Variants in CLEC16A observed in about 807,000 individuals in gnomAD.
CLEC16A encodes protein CLEC16A.
A neutral mutation model predicts 109.5 loss-of-function variants in CLEC16A; 51 were observed. The observed-to-expected ratio is 0.47, with a 90% confidence interval of 0.37 to 0.59. CLEC16A has a LOEUF of 0.59. CLEC16A is among the 20% of genes least tolerant of loss of function. The pLI is 0.00. For synonymous variants in CLEC16A, 673 were observed against 564.2 expected, an observed-to-expected ratio of 1.19 and a Z score of -2.73; for missense variants, 1,339 against 1,394.0, an observed-to-expected ratio of 0.96 and a Z score of 0.63.
rs1597636966 is a variant in CLEC16A at position 11,174,032 on chromosome 16, C to G, written c.2807-4303C>G. The G allele has an allele frequency of 2.7e-6, 1 of 377,284 alleles. No homozygotes were observed. Among genetic ancestry groups the G allele is most frequent in the Non-Finnish European group, 5.5e-6 (1 of 182,706 alleles). The allele number at this position is 377,284 out of a possible 1,614,324, so 23.4% of individuals were successfully genotyped here. ...GCCACAAGCCCATGCTGGGCACTGC[C>G]CCACGACCCTCGCCCCTCGTCAGTG... On this transcript the variant is annotated intron_variant, in intron 23 of 23. Coordinates refer to ENST00000409790, the MANE Select transcript of CLEC16A (RefSeq NM_015226.3). The surrounding 1 kb of genome is among the most constrained non-coding windows in gnomAD (Gnocchi z 4.7).
At chr16:10,967,775 G>A (rs1004477555) in intron 3 of CLEC16A, among the ~76,000 whole-genome samples, 3 of 152,296 alleles carry the variant, frequency 2.0e-5, no homozygotes, top group South Asian at 2.1e-4. Flanking sequence ...GTTTGCCCAA[G>A]GTCACAGCAC....
intron 15 of CLEC16A, 130 bp downstream of exon 15, chr16:11,042,493 G>T (rs909073813): frequency 2.7e-5 from 18 of 657,084 alleles, no homozygotes; most frequent in Non-Finnish European, 4.6e-5. Flanking sequence ...AAGCAGCAGG[G>T]GCTGCTCTCT....
intron 19 of CLEC16A, among the ~76,000 whole-genome samples, chr16:11,077,261 G>C (rs1597308890): frequency 6.6e-6 from 1 of 152,080 alleles, no homozygotes; most frequent in African/African-American, 2.4e-5. Context: ...CCTGAAGTCA[G>C]GAGTTGGAGA....
At position 10,961,844 on chromosome 16, in the gene CLEC16A, C is replaced by G. The variant is rs2042260834; in HGVS notation, c.210-611C>G. Among the ~76,000 whole-genome samples the G allele has an allele frequency of 6.6e-6, 1 of 152,134 alleles. No homozygotes were observed. Among genetic ancestry groups the G allele is most frequent in the East Asian group, 1.9e-4 (1 of 5,202 alleles). ...CCCTGAAAGTTTTGAGAAATGCTGG[C>G]CAGGTCTTCTGTGGAATGTCCCCCA... On this transcript the variant is annotated intron_variant, in intron 2 of 23. Transcript: ENST00000409790. This position sits in a 1 kb window ranked among gnomAD's most constrained non-coding sequence, Gnocchi z 4.3.
Position 11,174,104 on chromosome 16 carries a change from G to A in CLEC16A, c.2807-4231G>A, listed in dbSNP as rs776566860. 19 of 451,794 alleles carry A rather than the reference G, an allele frequency of 4.2e-5. No homozygotes were observed. Among genetic ancestry groups the A allele is most frequent in the South Asian group, 3.2e-5 (2 of 63,412 alleles). 28.0% of individuals were successfully genotyped at this position (451,794 alleles called of 1,614,324 possible). A position where few individuals can be genotyped will look rare whatever the true frequency, so the allele number is the denominator to read the frequency against. On this transcript the variant is annotated intron_variant, in intron 23 of 23. Coordinates refer to ENST00000409790, the MANE Select transcript of CLEC16A (RefSeq NM_015226.3). The surrounding 1 kb of genome is among the most constrained non-coding windows in gnomAD (Gnocchi z 4.7). ...GTGTCCCCTCCATGTCGCCTCTGCCGTCCCATTGTTAAAGGCTTTCTATGA... is the reference window on the plus strand; with the variant it reads ...GTGTCCCCTCCATGTCGCCTCTGCCATCCCATTGTTAAAGGCTTTCTATGA...
chr16:11,068,229 A>G (rs1394592562), intron 19 of CLEC16A, among the ~76,000 whole-genome samples: 2 of 152,238 alleles, frequency 1.3e-5, no homozygotes, highest in African/African-American at 2.4e-5. Context: ...GGGTTATTGT[A>G]AGGCAGAACA....
At position 11,016,225 on chromosome 16, in the gene CLEC16A, C is replaced by G. The variant is rs1218000386; in HGVS notation, c.1304-3968C>G. The stretch of plus-strand genomic sequence containing the variant: ...GGTCCATACCCACTTTGGAGATGGC[C>G]AAGGTAGTTGGAGGACACTAGGTGC... On this transcript the variant is annotated intron_variant, in intron 11 of 23. Coordinates refer to ENST00000409790, the MANE Select transcript of CLEC16A (RefSeq NM_015226.3). Among the ~76,000 whole-genome samples, 4 of 151,460 alleles carry G rather than the reference C, an allele frequency of 2.6e-5. No homozygotes were observed. In the East Asian group the frequency reaches 7.7e-4, roughly 29 times the overall value.
intron 22 of CLEC16A, among the ~76,000 whole-genome samples, chr16:11,155,161 T>C (rs1002851524): frequency 6.6e-6 from 1 of 152,130 alleles, no homozygotes; most frequent in African/African-American, 2.4e-5. Flanking sequence ...TATTGCCTCA[T>C]TGGGCCCAAG....
chr16:11,027,546 G>C lies in CLEC16A; in HGVS notation c.1537+2625G>C, dbSNP rs1479501410. 273 of 1,556,554 alleles carry C rather than the reference G, an allele frequency of 1.8e-4. 3 individuals are homozygous for C. In the East Asian group the frequency reaches 6.1e-3, roughly 35 times the overall value. Reference sequence around the variant, plus strand: ...TCTGACAGACAACACAGTGATTGAGGAGCACCTGGGGAAGTTTGGCATCAT... The same window carrying C: ...TCTGACAGACAACACAGTGATTGAGCAGCACCTGGGGAAGTTTGGCATCAT... On this transcript the variant is annotated intron_variant, in intron 13 of 23. Transcript: ENST00000409790.
At chr16:11,029,341 C>G (rs1011842262) in intron 13 of CLEC16A, among the ~76,000 whole-genome samples, 4 of 152,140 alleles carry the variant, frequency 2.6e-5, no homozygotes. Context: ...TGTGCATGCA[C>G]AGACCAGAAC....
intron 4 of CLEC16A, 127 bp downstream of exon 4, chr16:10,969,436 A>G: frequency 3.3e-6 from 2 of 602,968 alleles, no homozygotes; most frequent in Non-Finnish European, 5.3e-6. Context: ...TATGCTTGTT[A>G]TGATTTTCAT....
chr16:11,103,247 G>C (rs531329215), intron 19 of CLEC16A, among the ~76,000 whole-genome samples: 1 of 152,336 alleles, frequency 6.6e-6, no homozygotes, highest in African/African-American at 2.4e-5. Flanking sequence ...CTCCACCTCT[G>C]CTTGGCCCAT....
intron 22 of CLEC16A, among the ~76,000 whole-genome samples, chr16:11,141,804 G>A (rs1171387101): frequency 6.6e-6 from 1 of 152,232 alleles, no homozygotes; most frequent in East Asian, 1.9e-4. Flanking sequence ...CCTGAGAACG[G>A]CGCTGCCTCT....
At chr16:11,016,171 C>T (rs1310953542) in intron 11 of CLEC16A, among the ~76,000 whole-genome samples, 1 of 146,140 alleles carries the variant, frequency 6.8e-6, no homozygotes, top group East Asian at 2.1e-4. Flanking sequence ...AGACCTACTG[C>T]CTAGGGAATC....
intron 22 of CLEC16A, among the ~76,000 whole-genome samples, chr16:11,165,302 G>A (rs1483652853): frequency 6.6e-6 from 1 of 151,714 alleles, no homozygotes; most frequent in African/African-American, 2.4e-5. Context: ...ACCAGCCTGG[G>A]CAATACAGTG....
intron 22 of CLEC16A, among the ~76,000 whole-genome samples, chr16:11,127,819 A>G (rs369508807): frequency 7.2e-5 from 11 of 152,234 alleles, no homozygotes; most frequent in South Asian, 6.2e-4. Flanking sequence ...GCAGTGAGCT[A>G]TGATTGTACC....
chr16:10,962,203 C>T (rs1254093717), intron 2 of CLEC16A, among the ~76,000 whole-genome samples: 1 of 152,086 alleles, frequency 6.6e-6, no homozygotes, highest in Non-Finnish European at 1.5e-5. Flanking sequence ...CCTGCCTCAG[C>T]CTCCCAAAGT....
chr16:11,171,680 G>A (rs2068518106), intron 23 of CLEC16A, among the ~76,000 whole-genome samples: 1 of 152,184 alleles, frequency 6.6e-6, no homozygotes, highest in East Asian at 1.9e-4. Flanking sequence ...AGTGAAAAAA[G>A]ACCCAATTTT....
rs1249719584 is a variant in CLEC16A, at chr16:11,113,282, C to T, written c.2117-7333C>T. ...CTGGGCCTCATAAAGACCTGAGTCC[C>T]TTTGTGTAAAGCTGTGGAAAGAGAC... On this transcript the variant is annotated intron_variant, in intron 19 of 23. Transcript: ENST00000409790. Among the ~76,000 whole-genome samples, 8 of 152,324 alleles carry T rather than the reference C, an allele frequency of 5.3e-5. No homozygotes were observed. In the South Asian group the frequency reaches 8.3e-4, roughly 16 times the overall value.
Sources: allele counts gnomAD v4.1 joint callset (sites outside exome capture counted in the v4.1 genomes callset), GRCh38; gene constraint gnomAD v4.1.1; non-coding constraint Gnocchi (gnomAD v3.1); transcripts MANE v1.5; gene names NCBI Gene and HGNC (gene_info 2026-07-23, HGNC 2026-07-21).